The following ESYT1 variants were observed in gnomAD, a reference collection of about 807,000 sequenced individuals.
ESYT1 encodes the protein extended synaptotagmin 1, also known as extended synaptotagmin-1.
In ESYT1, 116 loss-of-function variants were observed where a neutral mutation model predicts 154.2. The ratio of observed to expected loss-of-function variants is 0.75; its 90% CI spans 0.65 to 0.88. The LOEUF (loss-of-function observed/expected upper bound fraction) is 0.88. Ranked by LOEUF, ESYT1 falls within the 40% of genes least tolerant of loss-of-function variation. The probability of loss-of-function intolerance (pLI) is 0.00; values close to 1 mark genes in which losing one functional copy is unlikely to be tolerated. For missense variants in ESYT1, 1,264 were observed against 1,379.3 expected, an observed-to-expected ratio of 0.92 and a Z score of 1.32; for synonymous variants, 500 against 539.9, an observed-to-expected ratio of 0.93 and a Z score of 1.02.
At chr12:56,143,393 T>C (rs1870795182) in intron 29 of ESYT1, 60 bp downstream of exon 29, 1 of 1,569,876 alleles carries the variant, frequency 6.4e-7, no homozygotes, top group Admixed American at 1.7e-5. Context: ...ACCAAGGTTA[T>C]AGTCCCTGTG....
At chr12:56,136,609 AAG>A in intron 15 of ESYT1, 133 bp from the exon 16 acceptor site, 2 of 671,740 alleles carry the variant, frequency 3.0e-6, no homozygotes. Context: ...AAAAAAAAAA[AAG>A]ATGGCCCTGA....
rs780633340 is a variant in ESYT1, at chr12:56,133,550, C to G, written c.1294-38C>G. The G allele has an allele frequency of 1.2e-5, 20 of 1,611,976 alleles. No individual in the cohort carries two copies. The South Asian group carries it at 2.0e-4, about 16-fold the overall frequency. ...CTACATTGGTAGGGAAGTAGTTGAGCAGGTATCTGATCTCTACTACATCTC... is the reference window on the plus strand; with the variant it reads ...CTACATTGGTAGGGAAGTAGTTGAGGAGGTATCTGATCTCTACTACATCTC... On this transcript the variant is annotated intron_variant, in intron 11 of 30. Coordinates refer to ENST00000394048, the MANE Select transcript of ESYT1 (RefSeq NM_015292.3).
intron 28 of ESYT1, 28 bp downstream of exon 28, chr12:56,143,176 G>A (rs1227062404): frequency 6.2e-7 from 1 of 1,614,062 alleles, no homozygotes; most frequent in Non-Finnish European, 8.5e-7. Context: ...CAGGTGGAGA[G>A]ATGGCAGGCT....
Position 56,131,788 on chromosome 12 carries a change from G to A in ESYT1, c.844G>A (p.Asp282Asn). The change falls in exon 7 of 31, where the codon GAT becomes AAT. Residue 282 changes from aspartate (D) to asparagine (N), a missense_variant. By Grantham distance (23) the Asp-to-Asn change is conservative. Coordinates refer to ENST00000394048, the MANE Select transcript of ESYT1 (RefSeq NM_015292.3). ...CTGGACAGGGATGACCAACCTGCTG[G>A]ATATCCCAGGACTTAGGTATCAAGG... is the stretch of plus-strand genomic sequence containing the variant. Reference protein sequence around the residue: ...INWTGMTNLLDIPGLSSLSDT... With the variant: ...INWTGMTNLLNIPGLSSLSDT... 6.2e-7 allele frequency: 1 copy of A among 1,614,190 alleles called. No individual in the cohort carries two copies.
Position 56,128,357 on chromosome 12 carries a change from C to A in ESYT1, c.38C>A (p.Pro13His). Residue 13 changes from proline (P) to histidine (H), a missense_variant, in exon 1 of 31, where the codon CCC (proline) becomes CAC (histidine). Coordinates refer to ENST00000394048, the MANE Select transcript of ESYT1 (RefSeq NM_015292.3). ...CCAGGAGAGGGCCCCAGCCCCAGCC[C>A]CATGGACCAGCCCTCTGCTCCCTCC... The part of the protein sequence containing the change: ...RSPGEGPSPS[P>H]MDQPSAPSDP... 1 of 1,612,538 alleles carries A rather than the reference C, an allele frequency of 6.2e-7. No individual in the cohort carries two copies. Among genetic ancestry groups the A allele is most frequent in the Non-Finnish European group, 8.5e-7 (1 of 1,179,524 alleles).
intron 24 of ESYT1, among the ~76,000 whole-genome samples, chr12:56,141,818 G>C (rs547122817): frequency 3.3e-5 from 5 of 152,090 alleles, no homozygotes; most frequent in African/African-American, 1.2e-4. Flanking sequence ...GGAAGGACAG[G>C]CCAGACACAG....
chr12:56,138,522 C>G, intron 22 of ESYT1, 23 bp downstream of exon 22: 1 of 1,579,254 alleles, frequency 6.3e-7, no homozygotes. Flanking sequence ...TCCCCATGCC[C>G]CATAACTTCC....
At position 56,134,164 on chromosome 12, in the gene ESYT1, G is replaced by A. The variant is rs758982879; in HGVS notation, c.1528G>A (p.Val510Met). ...TATGGTACAACTGTCAATTCAGGAT[G>A]TGACTCAGGAGAGCAAGGTGAGGGC... Reference protein sequence around the residue: ...NPMVQLSIQDVTQESKAVYST... With the variant: ...NPMVQLSIQDMTQESKAVYST... The change falls in exon 14 of 31, where the codon GTG becomes ATG. Residue 510 changes from valine (V) to methionine (M), a missense_variant. Coordinates refer to ENST00000394048, the MANE Select transcript of ESYT1 (RefSeq NM_015292.3). 8 of 1,614,020 alleles carry A rather than the reference G, an allele frequency of 5.0e-6. No individual in the cohort carries two copies. The East Asian group carries it at 1.8e-4, about 36-fold the overall frequency.
intron 1 of ESYT1, 145 bp downstream of exon 1, chr12:56,128,854 G>A (rs1341793211): frequency 3.0e-6 from 3 of 1,014,624 alleles, no homozygotes; most frequent in African/African-American, 3.2e-5. Context: ...CTAGCCGCCT[G>A]CCTGCTGGAC....
At chr12:56,133,135 AAAAAT>A (rs1565873553) in intron 10 of ESYT1, among the ~76,000 whole-genome samples, 1 of 151,992 alleles carries the variant, frequency 6.6e-6, no homozygotes, top group Non-Finnish European at 1.5e-5. Flanking sequence ...GAAAAAAAAT[AAAAAT>A]AAAAAAAATA....
At chr12:56,129,707 C>G (rs1870152219) in intron 1 of ESYT1, 1 of 152,248 alleles carries the variant, frequency 6.6e-6, no homozygotes, top group Admixed American at 6.5e-5. Flanking sequence ...CTTCCTACCC[C>G]CAATACAAAG....
intron 7 of ESYT1, 84 bp downstream of exon 7, chr12:56,131,888 C>G: frequency 7.3e-7 from 1 of 1,366,468 alleles, no homozygotes; most frequent in Non-Finnish European, 1.0e-6. Context: ...AAAGATGCTG[C>G]TTGTGTCCTC....
At chr12:56,133,992 C>T in intron 13 of ESYT1, 118 bp from the exon 14 acceptor site, 1 of 1,530,918 alleles carries the variant, frequency 6.5e-7, no homozygotes, top group Non-Finnish European at 9.0e-7. Flanking sequence ...ACATAAGGGT[C>T]CCAGGGAGGG....
At position 56,137,677 on chromosome 12, in the gene ESYT1, T is replaced by A. The variant is rs758321760; in HGVS notation, c.2115+2T>A. The A allele has an allele frequency of 6.9e-5, 112 of 1,613,372 alleles. No homozygotes were observed. The highest frequency in any genetic ancestry group is 9.4e-5 in the Non-Finnish European group (111 of 1,179,634). On this transcript the variant is annotated splice_donor_variant, in intron 18 of 30. Coordinates refer to ENST00000394048, the MANE Select transcript of ESYT1 (RefSeq NM_015292.3). LOFTEE classifies it high-confidence loss of function. ...CCCCGCTGGAATGAGGTTTTTGAGG[T>A]CAGAATTGAGTGGCTGTGACTCCTG...
rs767277096 is a variant in ESYT1 at position 56,131,565 on chromosome 12, C to T, written c.803C>T (p.Pro268Leu). ...GAVSMFFIRR[P>L]TLDINWTGMT... ...GTGTCAATGTTCTTCATCCGACGCC[C>T]GGTAAGGGAAAACAATGAAGGGGTA... The change falls in exon 6 of 31, where the codon CCG (proline) becomes CTG (leucine). Residue 268 changes from proline (P) to leucine (L), a missense_variant and splice_region_variant. Transcript: ENST00000394048. 9.3e-6 allele frequency: 15 copies of T among 1,613,716 alleles called. No homozygotes were observed. Among genetic ancestry groups the T allele is most frequent in the South Asian group, 5.5e-5 (5 of 91,074 alleles).
rs1485281977 is a variant in ESYT1, at chr12:56,144,559, T to G, written c.*697T>G. On this transcript the variant is annotated 3_prime_UTR_variant, in exon 31 of 31. Transcript: ENST00000394048. The stretch of plus-strand genomic sequence containing the variant: ...GACTTGGGACAGCAGGGCCAATTTT[T>G]TTGCCCAAGTGCCTAGGCTGCTAAC... The G allele has an allele frequency of 2.0e-6, 2 of 985,364 alleles. No homozygotes were observed. The highest frequency in any genetic ancestry group is 1.2e-4 in the Admixed American group (2 of 16,246). The allele number at this position is 985,364 out of a possible 1,614,324, so 61.0% of individuals were successfully genotyped here.
rs758063493 is a variant in ESYT1, at chr12:56,142,319, T to C, written c.2627T>C (p.Leu876Ser). 1.2e-6 allele frequency: 2 copies of C among 1,614,144 alleles called. No homozygotes were observed. Among genetic ancestry groups the C allele is most frequent in the South Asian group, 1.1e-5 (1 of 91,084 alleles). ...GAGGGCACTGGCGTGCTGGGCTCAT[T>C]ATCCCTGCCCCTCTCAGAGCTCCTC... ...RGEGTGVLGS[L>S]SLPLSELLVA... Residue 876 changes from leucine (L) to serine (S), a missense_variant, in exon 25 of 31, where the codon TTA (leucine) becomes TCA (serine). By Grantham distance (145) the Leu-to-Ser change is moderately radical. Transcript: ENST00000394048. This position sits in a 1 kb window ranked among gnomAD's most constrained non-coding sequence, Gnocchi z 4.1.
chr12:56,143,315 G>A lies in ESYT1; in HGVS notation c.3207G>A (p.Glu1069=). Reference sequence around the variant, plus strand: ...CTAATTCCTCCTTCATGTCAAGAGAGCGTGAGCTGCTGGGGAAGGTAAGAG... The same window carrying A: ...CTAATTCCTCCTTCATGTCAAGAGAACGTGAGCTGCTGGGGAAGGTAAGAG... ...VKSNSSFMSR[E]RELLGKVQLD... Residue 1069 remains glutamate (E), a synonymous_variant, in exon 29 of 31, where the codon GAG becomes GAA. Coordinates refer to ENST00000394048, the MANE Select transcript of ESYT1 (RefSeq NM_015292.3). The A allele has an allele frequency of 1.2e-6, 2 of 1,614,090 alleles. No individual in the cohort carries two copies. Among genetic ancestry groups the A allele is most frequent in the Non-Finnish European group, 1.7e-6 (2 of 1,180,016 alleles).
At chr12:56,130,457 G>A (rs117927415) in intron 1 of ESYT1, 125 bp from the exon 2 acceptor site, 16,143 of 1,177,774 alleles carry the variant, frequency 0.014, 119 homozygotes, top group Non-Finnish European at 0.017. Flanking sequence ...CTCGCCCCTC[G>A]CCCACCCTGA....
Sources: allele counts gnomAD v4.1 joint callset (sites outside exome capture counted in the v4.1 genomes callset), GRCh38; gene constraint gnomAD v4.1.1; non-coding constraint Gnocchi (gnomAD v3.1); transcripts MANE v1.5; gene names NCBI Gene and HGNC (gene_info 2026-07-23, HGNC 2026-07-21).